The following ERAS variants were observed in gnomAD, a reference collection of about 807,000 sequenced individuals.
ERAS encodes ES cell expressed Ras.
For synonymous variants in ERAS, 87 were observed against 89.1 expected (o/e 0.98, Z 0.13); for missense variants, 137 against 199.2 (o/e 0.69, Z 1.88).
chrX:48,829,108 G>A lies in ERAS; in HGVS notation c.-16G>A. On this transcript the variant is annotated 5_prime_UTR_variant, in exon 2 of 2. Transcript: ENST00000636362. ...CCTGCTGCCCACGTCTCTTCCCTGA[G>A]CTGCCTGCTGGGGTCATGGAGCTGC... is the stretch of plus-strand genomic sequence containing the variant. 1 of 1,092,248 alleles carries A rather than the reference G, an allele frequency of 9.2e-7. No individual in the cohort carries two copies. Among genetic ancestry groups the A allele is most frequent in the Non-Finnish European group, 1.2e-6 (1 of 837,642 alleles). 90.0% of individuals were successfully genotyped at this position (1,092,248 alleles called of 1,213,427 possible). A position where few individuals can be genotyped will look rare whatever the true frequency, so the allele number is the denominator to read the frequency against.
At chrX:48,828,047 C>G (rs1305206492) in intron 1 of ERAS, among the ~76,000 whole-genome samples, 1 of 83,687 alleles carries the variant, frequency 1.2e-5, no homozygotes, top group Non-Finnish European at 2.2e-5. Flanking sequence ...TTTTTTGAGA[C>G]GGAGTTTTGC....
At position 48,829,156 on chromosome X, in the gene ERAS, C is replaced by A; in HGVS notation, c.33C>A (p.Asp11Glu). 2 of 1,120,827 alleles carry A rather than the reference C, an allele frequency of 1.8e-6. No individual in the cohort carries two copies. Among genetic ancestry groups the A allele is most frequent in the Non-Finnish European group, 1.2e-6 (1 of 851,104 alleles). 92.4% of individuals were successfully genotyped at this position (1,120,827 alleles called of 1,213,427 possible). A position where few individuals can be genotyped will look rare whatever the true frequency, so the allele number is the denominator to read the frequency against. Residue 11 changes from aspartate (D) to glutamate (E), a missense_variant, in exon 2 of 2, where the codon GAC (aspartate) becomes GAA (glutamate). Physicochemically the swap from Asp to Glu is conservative, Grantham distance 45. Transcript: ENST00000636362. The part of the protein sequence containing the change: MELPTKPGTF[D>E]LGLATWSPSF... ...TGCCAACAAAGCCTGGCACCTTCGA[C>A]CTGGGCCTGGCCACATGGAGCCCTT...
Position 48,829,274 on chromosome X carries a change from G to A in ERAS, c.151G>A (p.Gly51Ser), listed in dbSNP as rs782452157. The change falls in exon 2 of 2, where the codon GGC becomes AGC. Residue 51 changes from glycine to serine, a missense_variant. Transcript: ENST00000636362. ...EYKAVVVGAS[G>S]VGKSALTIQL... ...CAAGGCTGTGGTGGTGGGCGCCAGT[G>A]GCGTGGGCAAGAGTGCGCTGACCAT... 1 of 1,210,432 alleles carries A rather than the reference G, an allele frequency of 8.3e-7. No homozygotes were observed. Among genetic ancestry groups the A allele is most frequent in the Non-Finnish European group, 1.1e-6 (1 of 894,660 alleles).
At chrX:48,827,118 T>C (rs2063161801) in intron 1 of ERAS, among the ~76,000 whole-genome samples, 1 of 111,700 alleles carries the variant, frequency 9.0e-6, no homozygotes, top group African/African-American at 3.3e-5. Flanking sequence ...GCGGCCTCCC[T>C]GCGCGTCGCG....
intron 1 of ERAS, among the ~76,000 whole-genome samples, chrX:48,828,265 G>A (rs2063164447): frequency 9.0e-6 from 1 of 110,848 alleles, no homozygotes; most frequent in Admixed American, 9.6e-5. Context: ...CTGACCTCAG[G>A]TGATCCACCC....
Position 48,829,190 on chromosome X carries a change from G to A in ERAS, c.67G>A (p.Gly23Arg), listed in dbSNP as rs1557032965. The stretch of plus-strand genomic sequence containing the variant: ...GGCCACATGGAGCCCTTCCTTCCAG[G>A]GGGAAACCCACCGGGCTCAGGCACG... ...GLATWSPSFQGETHRAQARRR... is the reference protein window; with the variant it reads ...GLATWSPSFQRETHRAQARRR... The change falls in exon 2 of 2, where the codon GGG becomes AGG. Residue 23 changes from glycine (G) to arginine (R), a missense_variant. Coordinates refer to ENST00000636362, the MANE Select transcript of ERAS (RefSeq NM_181532.3). 1 of 1,159,045 alleles carries A rather than the reference G, an allele frequency of 8.6e-7. No individual in the cohort carries two copies. Among genetic ancestry groups the A allele is most frequent in the East Asian group, 3.1e-5 (1 of 32,782 alleles).
intron 1 of ERAS, among the ~76,000 whole-genome samples, chrX:48,827,965 T>C (rs952264873): frequency 9.1e-6 from 1 of 109,755 alleles, no homozygotes; most frequent in Non-Finnish European, 1.9e-5. Context: ...TTTAAAAGCC[T>C]GGCATGAACT....
In ERAS at chrX:48,829,715, G is replaced by A. The variant is rs1206135041; in HGVS notation, c.592G>A (p.Glu198Lys). The change falls in exon 2 of 2, where the codon GAG becomes AAG. Residue 198 changes from glutamate (E) to lysine (K), a missense_variant. Glu to Lys is a moderately conservative substitution (Grantham distance 56). Transcript: ENST00000636362. The stretch of plus-strand genomic sequence containing the variant: ...GGAGGCCTTTTCCCTGCTGGTCCAT[G>A]AGATCCAGAGGGTCCAGGAGGCCAT... Reference protein sequence around the residue: ...VEEAFSLLVHEIQRVQEAMAK... With the variant: ...VEEAFSLLVHKIQRVQEAMAK... 1.7e-6 allele frequency: 2 copies of A among 1,206,461 alleles called. No individual in the cohort carries two copies. Among genetic ancestry groups the A allele is most frequent in the Non-Finnish European group, 2.2e-6 (2 of 892,720 alleles).
At chrX:48,827,165 C>T (rs1460767545) in intron 1 of ERAS, among the ~76,000 whole-genome samples, 1 of 104,768 alleles carries the variant, frequency 9.5e-6, no homozygotes, top group Non-Finnish European at 2.0e-5. Flanking sequence ...CGCCAGGCAC[C>T]TGGGGTGGAA....
intron 1 of ERAS, among the ~76,000 whole-genome samples, chrX:48,828,670 A>C (rs1172277937): frequency 1.8e-5 from 2 of 111,252 alleles, no homozygotes; most frequent in African/African-American, 6.5e-5. Flanking sequence ...TCCCTCTGTC[A>C]TGGGGAGGAA....
In ERAS at chrX:48,829,287, G is replaced by A; in HGVS notation, c.164G>A (p.Ser55Asn). 8.3e-7 allele frequency: 1 copy of A among 1,211,651 alleles called. No individual in the cohort carries two copies. The highest frequency in any genetic ancestry group is 1.1e-6 in the Non-Finnish European group (1 of 895,206). The change falls in exon 2 of 2, where the codon AGT (serine) becomes AAT (asparagine). Residue 55 changes from serine to asparagine, a missense_variant. Transcript: ENST00000636362. Reference protein sequence around the residue: ...VVVGASGVGKSALTIQLNHQC... With the variant: ...VVVGASGVGKNALTIQLNHQC... ...GTGGGCGCCAGTGGCGTGGGCAAGA[G>A]TGCGCTGACCATCCAGCTGAACCAC... is the stretch of plus-strand genomic sequence containing the variant.
In ERAS at chrX:48,829,288, T is replaced by C; in HGVS notation, c.165T>C (p.Ser55=). Residue 55 remains serine (S), a synonymous_variant, in exon 2 of 2, where the codon AGT becomes AGC. Transcript: ENST00000636362. ...TGGGCGCCAGTGGCGTGGGCAAGAG[T>C]GCGCTGACCATCCAGCTGAACCACC... ...VVVGASGVGK[S]ALTIQLNHQC... 1 of 1,210,470 alleles carries C rather than the reference T, an allele frequency of 8.3e-7. No individual in the cohort carries two copies. The highest frequency in any genetic ancestry group is 1.1e-6 in the Non-Finnish European group (1 of 894,847).
rs782720964 is a variant in ERAS, at chrX:48,829,614, C to T, written c.491C>T (p.Ala164Val). 8.3e-7 allele frequency: 1 copy of T among 1,209,170 alleles called. No individual in the cohort carries two copies. Among genetic ancestry groups the T allele is most frequent in the African/African-American group, 1.7e-5 (1 of 58,051 alleles). Reference protein sequence around the residue: ...DLVTTAGDAHAAAAALAHSWG... With the variant: ...DLVTTAGDAHVAAAALAHSWG... ...GTGACCACTGCTGGAGATGCTCATGCCGCTGCTGCAGCCCTCGCACACAGC... is the reference window on the plus strand; with the variant it reads ...GTGACCACTGCTGGAGATGCTCATGTCGCTGCTGCAGCCCTCGCACACAGC... Residue 164 changes from alanine to valine, a missense_variant, in exon 2 of 2, where the codon GCC (alanine) becomes GTC (valine). Ala to Val is a moderately conservative substitution (Grantham distance 64). Coordinates refer to ENST00000636362, the MANE Select transcript of ERAS (RefSeq NM_181532.3).
chrX:48,828,328 C>T (rs1240907700), intron 1 of ERAS, among the ~76,000 whole-genome samples: 1 of 111,573 alleles, frequency 9.0e-6, no homozygotes, highest in Non-Finnish European at 1.9e-5. Flanking sequence ...GTGCCCCGCC[C>T]CCTTTTTAAC....
intron 1 of ERAS, among the ~76,000 whole-genome samples, chrX:48,828,060 T>G (rs1374829170): frequency 9.8e-6 from 1 of 102,436 alleles, no homozygotes; most frequent in Non-Finnish European, 2.0e-5. Context: ...AGTTTTGCTC[T>G]TATCTCCCAG....
Position 48,829,601 on chromosome X carries a change from GGA to G in ERAS, c.481_482del (p.Asp161CysfsTer37). ...GNKCDLVTTA[G>X]DAHAAAAALA... ...CAAGTGTGACCTTGTGACCACTGCT[GGA>G]GATGCTCATGCCGCTGCTGCAGCCC... On this transcript the variant is annotated frameshift_variant, in exon 2 of 2. Coordinates refer to ENST00000636362, the MANE Select transcript of ERAS (RefSeq NM_181532.3). LOFTEE classifies it low-confidence loss of function (END_TRUNC). 1 of 1,209,642 alleles carries G rather than the reference GGA, an allele frequency of 8.3e-7. No individual in the cohort carries two copies. The highest frequency in any genetic ancestry group is 3.0e-5 in the East Asian group (1 of 33,827).
At chrX:48,826,654 G>A (rs1199064980) in intron 1 of ERAS, 105 bp downstream of exon 1, 1 of 112,207 alleles carries the variant, frequency 8.9e-6, no homozygotes, top group Admixed American at 9.2e-5. Flanking sequence ...CGGGCGAGCG[G>A]CCCCTCACTC....
At chrX:48,827,800 A>G (rs2063163178) in intron 1 of ERAS, among the ~76,000 whole-genome samples, 1 of 111,262 alleles carries the variant, frequency 9.0e-6, no homozygotes, top group Non-Finnish European at 1.9e-5. Context: ...CGAACATGCA[A>G]CTTCCTTGTT....
intron 1 of ERAS, 104 bp from the exon 2 acceptor site, chrX:48,828,977 A>G (rs185614831): frequency 3.9e-4 from 167 of 424,615 alleles, no homozygotes; most frequent in African/African-American, 3.7e-3. Context: ...CACAATAGGC[A>G]TTCAATAAAT....
Sources: allele counts gnomAD v4.1 joint callset (sites outside exome capture counted in the v4.1 genomes callset), GRCh38; gene constraint gnomAD v4.1.1; transcripts MANE v1.5; gene names NCBI Gene and HGNC (gene_info 2026-07-23, HGNC 2026-07-21).